The following CLIC5 variants were observed in gnomAD, a reference collection of about 807,000 sequenced individuals.
CLIC5 encodes the protein chloride intracellular channel protein 5.
CLIC5 carries 20 observed loss-of-function variants against 24.7 expected under a neutral mutation model. The observed-to-expected ratio is 0.81, with a 90% CI of 0.57 to 1.18. The LOEUF (loss-of-function observed/expected upper bound fraction) is 1.18, where lower values mean the gene tolerates loss of function less well. Ranked by LOEUF, CLIC5 falls within the 50% of genes most tolerant of loss-of-function variation. CLIC5 has a pLI of 0.00. For missense variants in CLIC5, 341 were observed against 326.1 expected (o/e 1.05, Z -0.35); for synonymous variants, 159 against 135.6 (o/e 1.17, Z -1.20).
At chr6:45,980,779 A>G (rs781012599) in intron 1 of CLIC5, among the ~76,000 whole-genome samples, 3 of 152,128 alleles carry the variant, frequency 2.0e-5, no homozygotes. Flanking sequence ...ATAGAAAAAA[A>G]TATTTTTCAA....
upstream of CLIC5, among the ~76,000 whole-genome samples, chr6:46,020,199 C>T (rs779692962): frequency 1.2e-4 from 18 of 152,122 alleles, no homozygotes; most frequent in South Asian, 2.1e-4. Flanking sequence ...AACTTCATTA[C>T]GTTAAAATAA....
intron 1 of CLIC5, chr6:46,014,833 G>C (rs146882787): frequency 1.3e-5 from 2 of 152,304 alleles, no homozygotes; most frequent in East Asian, 1.9e-4. Context: ...CAGGTTGAAC[G>C]GGAGGCTCTC....
At chr6:46,064,180 T>C (rs1762375150) in intron 1 of CLIC5, among the ~76,000 whole-genome samples, 1 of 151,832 alleles carries the variant, frequency 6.6e-6, no homozygotes, top group South Asian at 2.1e-4. Context: ...GACAATAAAT[T>C]CAACAATTTA....
intron 1 of CLIC5, among the ~76,000 whole-genome samples, chr6:46,041,902 T>C (rs1019847687): frequency 6.6e-6 from 1 of 152,228 alleles, no homozygotes; most frequent in Non-Finnish European, 1.5e-5. Flanking sequence ...TTAATGTTTA[T>C]AATTTTTTGT....
At chr6:45,954,696 G>A (rs777664672) in intron 2 of CLIC5, among the ~76,000 whole-genome samples, 1 of 152,182 alleles carries the variant, frequency 6.6e-6, no homozygotes, top group Non-Finnish European at 1.5e-5. Context: ...CTGTCACACT[G>A]AGGACTTCTA....
At chr6:46,108,293 T>G in the CLIC5 span, among the ~76,000 whole-genome samples, 1 of 152,012 alleles carries the variant, frequency 6.6e-6, no homozygotes, top group Non-Finnish European at 1.5e-5. Context: ...TAGTAAAACA[T>G]TTTTTGTTTA....
intron 1 of CLIC5, among the ~76,000 whole-genome samples, chr6:46,055,058 C>T (rs760311566): frequency 6.6e-5 from 10 of 152,180 alleles, no homozygotes; most frequent in Non-Finnish European, 1.2e-4. Flanking sequence ...TTGACAATCT[C>T]ATCTTCTAAA....
At chr6:46,093,064 C>A in the CLIC5 span, among the ~76,000 whole-genome samples, 1 of 152,140 alleles carries the variant, frequency 6.6e-6, no homozygotes, top group Non-Finnish European at 1.5e-5. Flanking sequence ...GAATACATAT[C>A]TTTCTTCCTT....
At chr6:46,122,002 T>C in the CLIC5 span, among the ~76,000 whole-genome samples, 1 of 152,126 alleles carries the variant, frequency 6.6e-6, no homozygotes, top group East Asian at 1.9e-4. Context: ...CACCCCACTG[T>C]CAACATTAGA....
intron 4 of CLIC5, chr6:45,920,163 C>A (rs1763198450): frequency 2.0e-6 from 2 of 978,010 alleles, no homozygotes; most frequent in South Asian, 4.7e-5. Flanking sequence ...TGTTCTGCTA[C>A]CAGTGCTTGA....
chr6:45,922,823 A>AGAGAGAGAGAG (rs1763318438), intron 4 of CLIC5, among the ~76,000 whole-genome samples: 45 of 140,700 alleles, frequency 3.2e-4, no homozygotes, highest in African/African-American at 1.1e-3. Context: ...GAGAGAGAGA[A>AGAGAGAGAGAG]AGAGAGAGAG....
chr6:46,012,594 A>G (rs1766845163), intron 1 of CLIC5, among the ~76,000 whole-genome samples: 1 of 152,236 alleles, frequency 6.6e-6, no homozygotes, highest in Admixed American at 6.5e-5. Flanking sequence ...ACTTGGCAAA[A>G]TAAGGTATCA....
At chr6:46,127,276 C>CAAATGT in the CLIC5 span, among the ~76,000 whole-genome samples, 2 of 152,140 alleles carry the variant, frequency 1.3e-5, no homozygotes, top group Admixed American at 6.5e-5. Flanking sequence ...ATATAAAATA[C>CAAATGT]ATTTAACTAT....
intron 5 of CLIC5, among the ~76,000 whole-genome samples, chr6:45,906,811 C>G (rs1762674836): frequency 6.6e-6 from 1 of 152,204 alleles, no homozygotes; most frequent in Non-Finnish European, 1.5e-5. Flanking sequence ...ATCCGCCTGC[C>G]TCAGCCTCCC....
chr6:46,077,090 CA>C (rs1467346522), intron 1 of CLIC5, among the ~76,000 whole-genome samples: 52 of 141,664 alleles, frequency 3.7e-4, no homozygotes, highest in South Asian at 1.3e-3. Flanking sequence ...AACTCCGTCC[CA>C]AAAAAAAAAA....
chr6:46,045,586 T>C (rs1231744230), intron 1 of CLIC5, among the ~76,000 whole-genome samples: 1 of 152,188 alleles, frequency 6.6e-6, no homozygotes, highest in Non-Finnish European at 1.5e-5. Flanking sequence ...CATGGAAGTT[T>C]ACTTAGTGTC....
At chr6:45,884,242 T>C (rs1246291787) in intron 6 of CLIC5, among the ~76,000 whole-genome samples, 1 of 152,182 alleles carries the variant, frequency 6.6e-6, no homozygotes, top group Non-Finnish European at 1.5e-5. Context: ...ATGGTATGCC[T>C]TATCCTTAAG....
At chr6:46,017,653 C>G (rs1055662386), upstream of CLIC5, among the ~76,000 whole-genome samples, 1 of 152,172 alleles carries the variant, frequency 6.6e-6, no homozygotes, top group African/African-American at 2.4e-5. Flanking sequence ...ATAATAGTTA[C>G]ATGAAATGAA....
chr6:45,986,670 T>G (rs1765748032), intron 1 of CLIC5, among the ~76,000 whole-genome samples: 1 of 152,208 alleles, frequency 6.6e-6, no homozygotes, highest in East Asian at 1.9e-4. Context: ...CAGGAAACAT[T>G]TGAAAACAAC....
Sources: gnomAD v4.1 joint callset for allele counts (sites outside exome capture counted in the v4.1 genomes callset) on GRCh38, gnomAD v4.1.1 for gene constraint, MANE v1.5 for transcripts, NCBI Gene and HGNC (gene_info 2026-07-23, HGNC 2026-07-21) for gene names.